Variants in CDRT4 observed in about 807,000 individuals in gnomAD.
The protein encoded by CDRT4 is CMT1A duplicated region transcript 4.
For synonymous variants in CDRT4, 64 were observed against 69.6 expected, an observed-to-expected ratio of 0.92 and a Z score of 0.40; for missense variants, 167 against 193.1, an observed-to-expected ratio of 0.87 and a Z score of 0.80.
chr17:15,461,487 G>A (rs1459473997), intron 1 of CDRT4, among the ~76,000 whole-genome samples: 1 of 152,176 alleles, frequency 6.6e-6, no homozygotes, highest in South Asian at 2.1e-4. Flanking sequence ...TTACAGTGAC[G>A]GATGAGACCA....
intron 1 of CDRT4, among the ~76,000 whole-genome samples, chr17:15,465,765 T>G (rs925106003): frequency 6.6e-6 from 1 of 152,102 alleles, no homozygotes; most frequent in African/African-American, 2.4e-5. Flanking sequence ...CGCCTTCCAA[T>G]ATGGCAGCCA....
chr17:15,463,261 G>C (rs187114269), intron 1 of CDRT4, among the ~76,000 whole-genome samples: 6 of 152,024 alleles, frequency 3.9e-5, no homozygotes, highest in Admixed American at 3.9e-4. Flanking sequence ...TCACTGGGCC[G>C]GGGTGGAGAA....
chr17:15,442,365 G>A (rs1567609045), intron 2 of CDRT4, among the ~76,000 whole-genome samples: 2 of 151,134 alleles, frequency 1.3e-5, no homozygotes, highest in African/African-American at 2.4e-5. Flanking sequence ...AACCGGGATC[G>A]TGCCACTGCA....
intron 2 of CDRT4, 117 bp from the exon 3 acceptor site, chr17:15,440,402 T>C: frequency 1.7e-6 from 2 of 1,153,622 alleles, no homozygotes; most frequent in Non-Finnish European, 2.5e-6. Context: ...CTAAGATGAC[T>C]CCACCCCCTG....
At chr17:15,441,827 CA>C (rs1257839356) in intron 2 of CDRT4, among the ~76,000 whole-genome samples, 1 of 152,206 alleles carries the variant, frequency 6.6e-6, no homozygotes, top group Non-Finnish European at 1.5e-5. Flanking sequence ...TCTTCCACAG[CA>C]GTGCAGTTCT....
rs968071867 is a variant in CDRT4, at chr17:15,464,499, A to G, written c.-130+2961T>C. Among the ~76,000 whole-genome samples the G allele has an allele frequency of 6.6e-6, 1 of 152,056 alleles. No individual in the cohort carries two copies. The highest frequency in any genetic ancestry group is 6.5e-5 in the Admixed American group (1 of 15,268). On this transcript the variant is annotated intron_variant, in intron 1 of 3. Transcript: ENST00000619038. This position sits in a 1 kb window ranked among gnomAD's most constrained non-coding sequence, Gnocchi z 4.5. ...GAGCTGATTCCTGAGAGGCAGCACT[A>G]GATGCTGGGCATTAGCAATCTGAGA...
Position 15,445,823 on chromosome 17 carries a change from A to C in CDRT4, c.-47-5538T>G, listed in dbSNP as rs115717261. Among the ~76,000 whole-genome samples the C allele has an allele frequency of 5.6e-3, 853 of 151,748 alleles. 5 individuals are homozygous for C. Among genetic ancestry groups the C allele is most frequent in the African/African-American group, 0.02 (818 of 41,350 alleles). On this transcript the variant is annotated intron_variant, in intron 2 of 3. Coordinates refer to ENST00000619038, the MANE Select transcript of CDRT4 (RefSeq NM_001204477.2). ...CTGCAAGGCTTCTTTTGTTTGTCTCACCTCCCACTTTTCTTCCTGAGCCAT... is the reference window on the plus strand; with the variant it reads ...CTGCAAGGCTTCTTTTGTTTGTCTCCCCTCCCACTTTTCTTCCTGAGCCAT...
chr17:15,443,705 C>G, intron 2 of CDRT4: 1 of 457,308 alleles, frequency 2.2e-6, no homozygotes, highest in African/African-American at 2.0e-5. Context: ...TCTGAAGGGA[C>G]ACACAGTTAT....
At chr17:15,444,263 G>C in intron 2 of CDRT4, 3 of 565,030 alleles carry the variant, frequency 5.3e-6, no homozygotes, top group Admixed American at 3.2e-5. Flanking sequence ...ATATTTAAAA[G>C]ATGCAATAAA....
chr17:15,451,269 C>T (rs1019319116), intron 2 of CDRT4, among the ~76,000 whole-genome samples: 12 of 152,174 alleles, frequency 7.9e-5, no homozygotes, highest in Admixed American at 3.9e-4. Context: ...CTTCACCTTC[C>T]GCCATGAATG....
At chr17:15,449,299 A>T (rs968030103) in intron 2 of CDRT4, among the ~76,000 whole-genome samples, 2 of 152,256 alleles carry the variant, frequency 1.3e-5, no homozygotes, top group African/African-American at 4.8e-5. Context: ...TGCATTAGGT[A>T]CTATTGTATT....
rs745650186 is a variant in CDRT4 at position 15,438,000 on chromosome 17, T to A, written c.232A>T (p.Arg78Trp). The A allele has an allele frequency of 6.2e-7, 1 of 1,614,188 alleles. No individual in the cohort carries two copies. Residue 78 changes from arginine to tryptophan, a missense_variant, in exon 4 of 4, where the codon AGG becomes TGG. Physicochemically the swap from Arg to Trp is moderately radical, Grantham distance 101. Coordinates refer to ENST00000619038, the MANE Select transcript of CDRT4 (RefSeq NM_001204477.2). Reference sequence around the variant, plus strand: ...CCAGAAGACTTGGAAGACTTCCTCCTTTTCGGCTGAATGACGCTGGAAGGT... The same window carrying A: ...CCAGAAGACTTGGAAGACTTCCTCCATTTCGGCTGAATGACGCTGGAAGGT... ...NKPSSVIQPK[R>W]RKSSKSSGKA...
At chr17:15,462,298 G>A (rs926465398) in intron 1 of CDRT4, among the ~76,000 whole-genome samples, 1 of 151,838 alleles carries the variant, frequency 6.6e-6, no homozygotes, top group Non-Finnish European at 1.5e-5. Flanking sequence ...CGTGGTGGCG[G>A]GCACCTGTAG....
At chr17:15,441,960 TCTC>T (rs1234979651) in intron 2 of CDRT4, among the ~76,000 whole-genome samples, 1 of 152,144 alleles carries the variant, frequency 6.6e-6, no homozygotes, top group Non-Finnish European at 1.5e-5. Context: ...GCATCTTAGT[TCTC>T]CTTCTAAGAC....
rs772852837 is a variant in CDRT4, at chr17:15,437,736, C to T, written c.*37G>A. On this transcript the variant is annotated 3_prime_UTR_variant, in exon 4 of 4. Transcript: ENST00000619038. ...CGTTCTTGGGGAATGGCTGCAGGGA[C>T]CCCTGGCTAAAACATTTGCATGTTT... 6.3e-7 allele frequency: 1 copy of T among 1,597,202 alleles called. No homozygotes were observed. Among genetic ancestry groups the T allele is most frequent in the Non-Finnish European group, 8.6e-7 (1 of 1,167,286 alleles).
At chr17:15,439,015 A>G in intron 3 of CDRT4, 1 of 403,300 alleles carries the variant, frequency 2.5e-6, no homozygotes, top group Admixed American at 2.8e-5. Context: ...CTAGAAATTC[A>G]ACGCATTAGT....
At position 15,436,928 on chromosome 17, in the gene CDRT4, T is replaced by C. The variant is rs1314146669; in HGVS notation, c.*845A>G. The stretch of plus-strand genomic sequence containing the variant: ...CCCCCAGGGGGAGCTAGAAGGAATC[T>C]GCTAGGCTAAAGGAGGAAGTAGGAA... On this transcript the variant is annotated 3_prime_UTR_variant, in exon 4 of 4. Transcript: ENST00000619038. 2 of 152,224 alleles carry C rather than the reference T, an allele frequency of 1.3e-5. No homozygotes were observed. Among genetic ancestry groups the C allele is most frequent in the East Asian group, 1.9e-4 (1 of 5,182 alleles). 9.4% of individuals were successfully genotyped at this position (152,224 alleles called of 1,614,324 possible). A position where few individuals can be genotyped will look rare whatever the true frequency, so the allele number is the denominator to read the frequency against.
At position 15,436,332 on chromosome 17, in the gene CDRT4, A is replaced by G. The variant is rs1978484343; in HGVS notation, c.*1441T>C. 6.6e-6 allele frequency: 1 copy of G among 152,260 alleles called. No individual in the cohort carries two copies. The highest frequency in any genetic ancestry group is 1.5e-5 in the Non-Finnish European group (1 of 68,046). 9.4% of individuals were successfully genotyped at this position (152,260 alleles called of 1,614,324 possible). On this transcript the variant is annotated 3_prime_UTR_variant, in exon 4 of 4. Coordinates refer to ENST00000619038, the MANE Select transcript of CDRT4 (RefSeq NM_001204477.2). ...AAATGACACTGCTATAAGTTACTACATCTCATCCTCTACATCTCTGTGAGG... is the reference window on the plus strand; with the variant it reads ...AAATGACACTGCTATAAGTTACTACGTCTCATCCTCTACATCTCTGTGAGG...
chr17:15,463,959 A>T (rs1979876168), intron 1 of CDRT4, among the ~76,000 whole-genome samples: 1 of 152,152 alleles, frequency 6.6e-6, no homozygotes, highest in South Asian at 2.1e-4. Context: ...TCAGGCGGGC[A>T]GAGGAGCCGG....
Sources: gnomAD v4.1 joint callset for allele counts (sites outside exome capture counted in the v4.1 genomes callset) on GRCh38, gnomAD v4.1.1 for gene constraint, Gnocchi (gnomAD v3.1) non-coding constraint, MANE v1.5 for transcripts, NCBI Gene and HGNC (gene_info 2026-07-23, HGNC 2026-07-21) for gene names.